ATP6V1E2: variants seen among roughly 807,000 people sequenced by gnomAD.
The protein encoded by ATP6V1E2 is V-type proton ATPase subunit E 2.
For missense variants in ATP6V1E2, 308 were observed against 273.3 expected, an observed-to-expected ratio of 1.13 and a Z score of -0.90; for synonymous variants, 121 against 104.2, an observed-to-expected ratio of 1.16 and a Z score of -0.98.
intron 4 of ATP6V1E2, among the ~76,000 whole-genome samples, chr2:46,521,377 G>C (rs148681373): frequency 6.6e-6 from 1 of 152,176 alleles, no homozygotes; most frequent in African/African-American, 2.4e-5. Context: ...TCAACCTGGA[G>C]CCCTGCCCAG....
At position 46,527,410 on chromosome 2, in the gene ATP6V1E2, A is replaced by T. The variant is rs142529051; in HGVS notation, c.-102+8403T>A. 2.9e-3 allele frequency among the ~76,000 whole-genome samples: 437 copies of T among 152,146 alleles called. 4 individuals carry two copies. Among genetic ancestry groups the T allele is most frequent in the African/African-American group, 1.0e-2 (413 of 41,504 alleles). On this transcript the variant is annotated intron_variant, in intron 4 of 4. Coordinates refer to ENST00000522587, the MANE Select transcript of ATP6V1E2 (RefSeq NM_001318063.2). ...CTAATTTTTTGTATTTTTAGTAGAG[A>T]CAGGGTTTCACCATGTTAGCCAGGA... is the stretch of plus-strand genomic sequence containing the variant.
Position 46,512,442 on chromosome 2 carries a change from G to A in ATP6V1E2, c.270C>T (p.Leu90=), listed in dbSNP as rs1453441053. Reference sequence around the variant, plus strand: ...TCGCCTCACTGAGCAAATCTGAGATGAGGTCATTTCGGGCTCTCAGGACTT... The same window carrying A: ...TCGCCTCACTGAGCAAATCTGAGATAAGGTCATTTCGGGCTCTCAGGACTT... The part of the protein sequence containing the change: ...RLKVLRARND[L]ISDLLSEAKL... Residue 90 remains leucine (L), a synonymous_variant, in exon 5 of 5, where the codon CTC becomes CTT. Coordinates refer to ENST00000522587, the MANE Select transcript of ATP6V1E2 (RefSeq NM_001318063.2). 4.3e-6 allele frequency: 7 copies of A among 1,614,058 alleles called. No homozygotes were observed. The highest frequency in any genetic ancestry group is 5.9e-6 in the Non-Finnish European group (7 of 1,180,040).
intron 4 of ATP6V1E2, chr2:46,534,394 T>C (rs1031216820): frequency 2.0e-5 from 3 of 152,186 alleles, no homozygotes; most frequent in African/African-American, 7.2e-5. Context: ...ATTTGGTTAT[T>C]TTCTATATCT....
rs1173983966 is a variant in ATP6V1E2, at chr2:46,512,276, C to T, written c.436G>A (p.Ala146Thr). ...CRPQDLLLVEAAVQKAIPEYM... is the reference protein window; with the variant it reads ...CRPQDLLLVETAVQKAIPEYM... ...TCGGGGATGGCTTTTTGTACAGCAG[C>T]CTCCACCAGGAGGAGGTCTTGTGGC... Residue 146 changes from alanine to threonine, a missense_variant, in exon 5 of 5, where the codon GCT becomes ACT. By Grantham distance (58) the Ala-to-Thr change is moderately conservative. Coordinates refer to ENST00000522587, the MANE Select transcript of ATP6V1E2 (RefSeq NM_001318063.2). 1 of 1,611,982 alleles carries T rather than the reference C, an allele frequency of 6.2e-7. No individual in the cohort carries two copies. The highest frequency in any genetic ancestry group is 1.1e-5 in the South Asian group (1 of 90,850).
chr2:46,534,722 T>A (rs1667356060), intron 4 of ATP6V1E2: 1 of 152,030 alleles, frequency 6.6e-6, no homozygotes, highest in South Asian at 2.1e-4. Context: ...TTGGAGGAAG[T>A]CTAGAGTTAC....
At chr2:46,517,640 GCAA>G (rs1209645547) in intron 4 of ATP6V1E2, among the ~76,000 whole-genome samples, 2 of 152,016 alleles carry the variant, frequency 1.3e-5, no homozygotes, top group African/African-American at 2.4e-5. Context: ...CAAAGCAAAA[GCAA>G]CAACAACAAC....
intron 4 of ATP6V1E2, among the ~76,000 whole-genome samples, chr2:46,526,466 A>G (rs543305745): frequency 7.2e-4 from 110 of 152,256 alleles, no homozygotes; most frequent in African/African-American, 2.6e-3. Flanking sequence ...TGGTTTTGCA[A>G]CTATCACCAC....
Position 46,511,922 on chromosome 2 carries a change from G to A in ATP6V1E2, c.*109C>T, listed in dbSNP as rs777419026. The A allele has an allele frequency of 3.0e-6, 3 of 987,548 alleles. No individual in the cohort carries two copies. The highest frequency in any genetic ancestry group is 2.6e-5 in the East Asian group (1 of 38,730). 61.2% of individuals were successfully genotyped at this position (987,548 alleles called of 1,614,324 possible). ...AAAGGGTATTTCGTGAAGAAAAACA[G>A]AACAGTATCAGAGCATCAAAGAGGA... On this transcript the variant is annotated 3_prime_UTR_variant, in exon 5 of 5. Transcript: ENST00000522587.
intron 4 of ATP6V1E2, among the ~76,000 whole-genome samples, chr2:46,516,870 G>A (rs1687733982): frequency 2.6e-5 from 4 of 152,168 alleles, no homozygotes; most frequent in Non-Finnish European, 2.9e-5. Flanking sequence ...ATGTTCATAT[G>A]TTGGAAGAAC....
chr2:46,533,052 T>C lies in ATP6V1E2; in HGVS notation c.-102+2761A>G, dbSNP rs1667256652. 2.0e-5 allele frequency among the ~76,000 whole-genome samples: 3 copies of C among 150,496 alleles called. No homozygotes were observed. The South Asian group carries it at 6.3e-4, about 31-fold the overall frequency. Reference sequence around the variant, plus strand: ...TATTAGTTTTGCCTTAGATGGTCAATTGTGTTTTTTATTTTTTTAATTATA... The same window carrying C: ...TATTAGTTTTGCCTTAGATGGTCAACTGTGTTTTTTATTTTTTTAATTATA... On this transcript the variant is annotated intron_variant, in intron 4 of 4. Coordinates refer to ENST00000522587, the MANE Select transcript of ATP6V1E2 (RefSeq NM_001318063.2).
intron 4 of ATP6V1E2, among the ~76,000 whole-genome samples, chr2:46,516,294 C>T (rs1308279244): frequency 6.6e-6 from 1 of 152,164 alleles, no homozygotes; most frequent in African/African-American, 2.4e-5. Flanking sequence ...AAACGAATCT[C>T]AATAAATTTA....
In ATP6V1E2 at chr2:46,512,810, C is replaced by A. The variant is rs1344737526; in HGVS notation, c.-99G>T. The A allele has an allele frequency of 2.0e-6, 2 of 1,009,142 alleles. No individual in the cohort carries two copies. The highest frequency in any genetic ancestry group is 2.8e-6 in the Non-Finnish European group (2 of 702,072). 62.5% of individuals were successfully genotyped at this position (1,009,142 alleles called of 1,614,324 possible). A position where few individuals can be genotyped will look rare whatever the true frequency, so the allele number is the denominator to read the frequency against. ...GAGTGTCTCTGGAGTTCCACTTTCT[C>A]AGCTATACCAGTGAACAAGAGGATG... On this transcript the variant is annotated splice_region_variant and 5_prime_UTR_variant, in exon 5 of 5. Coordinates refer to ENST00000522587, the MANE Select transcript of ATP6V1E2 (RefSeq NM_001318063.2).
intron 4 of ATP6V1E2, among the ~76,000 whole-genome samples, chr2:46,524,439 G>A (rs1011075441): frequency 1.3e-5 from 2 of 152,176 alleles, no homozygotes; most frequent in Non-Finnish European, 2.9e-5. Flanking sequence ...AAAGTTGGTA[G>A]TATTTATTAA....
chr2:46,516,392 CAT>C (rs1161456156), intron 4 of ATP6V1E2, among the ~76,000 whole-genome samples: 1 of 152,170 alleles, frequency 6.6e-6, no homozygotes, highest in Non-Finnish European at 1.5e-5. Context: ...AAAATTCACA[CAT>C]ATGTGGAAAT....
At chr2:46,521,691 C>CTCTTTT (rs1666635557) in intron 4 of ATP6V1E2, among the ~76,000 whole-genome samples, 1 of 152,024 alleles carries the variant, frequency 6.6e-6, no homozygotes, top group Non-Finnish European at 1.5e-5. Context: ...TTTCTTTCTT[C>CTCTTTT]TCTTTTTCTT....
chr2:46,522,287 A>G (rs1241902851), intron 4 of ATP6V1E2, among the ~76,000 whole-genome samples: 1 of 150,702 alleles, frequency 6.6e-6, no homozygotes, highest in Non-Finnish European at 1.5e-5. Context: ...CTGTCTCCAA[A>G]AAAAAAAAAA....
At position 46,523,992 on chromosome 2, in the gene ATP6V1E2, G is replaced by A. The variant is rs548962168; in HGVS notation, c.-101-11180C>T. ...CTAGGTATTTTATTCTCTTTGTAGC[G>A]ATTGTGAATGGGAGTTCATTCATGA... On this transcript the variant is annotated intron_variant, in intron 4 of 4. Coordinates refer to ENST00000522587, the MANE Select transcript of ATP6V1E2 (RefSeq NM_001318063.2). Among the ~76,000 whole-genome samples the A allele has an allele frequency of 9.9e-5, 15 of 152,166 alleles. No homozygotes were observed. The South Asian group carries it at 1.0e-3, about 11-fold the overall frequency.
At chr2:46,517,210 G>C (rs1010129213) in intron 4 of ATP6V1E2, among the ~76,000 whole-genome samples, 12 of 152,062 alleles carry the variant, frequency 7.9e-5, no homozygotes, top group African/African-American at 2.7e-4. Flanking sequence ...CATCAATAAG[G>C]GTGCCAAGAC....
chr2:46,521,069 C>T (rs755464765), intron 4 of ATP6V1E2, among the ~76,000 whole-genome samples: 31 of 152,080 alleles, frequency 2.0e-4, no homozygotes, highest in Non-Finnish European at 3.5e-4. Context: ...TATCTGTGGG[C>T]GTGGGAAAGG....
Sources: gnomAD v4.1 joint callset for allele counts (sites outside exome capture counted in the v4.1 genomes callset) on GRCh38, gnomAD v4.1.1 for gene constraint, MANE v1.5 for transcripts, NCBI Gene and HGNC (gene_info 2026-07-23, HGNC 2026-07-21) for gene names.